The following CSMD1 variants were observed in gnomAD, a reference collection of about 807,000 sequenced individuals.
The protein encoded by CSMD1 is CUB and sushi domain-containing protein 1.
Under a neutral mutation model 417.5 loss-of-function variants are expected in CSMD1, and 213 were observed. The ratio of observed to expected loss-of-function variants is 0.51; its 90% confidence interval spans 0.46 to 0.57. The LOEUF (loss-of-function observed/expected upper bound fraction) is 0.57, where lower values mean the gene tolerates loss of function less well. Ranked by LOEUF, CSMD1 falls within the 20% of genes least tolerant of loss-of-function variation. The pLI is 0.00. For missense variants in CSMD1, 6,923 were observed against 4,529.7 expected, an observed-to-expected ratio of 1.53 and a Z score of -15.17; for synonymous variants, 2,862 against 1,736.8, an observed-to-expected ratio of 1.65 and a Z score of -16.11.
At chr8:3,055,997 T>C (rs1251934581) in intron 49 of CSMD1, among the ~76,000 whole-genome samples, 1 of 152,228 alleles carries the variant, frequency 6.6e-6, no homozygotes, top group Non-Finnish European at 1.5e-5. Flanking sequence ...ATTCAATCAA[T>C]GACAAATTAT....
At chr8:3,461,969 G>C (rs12171641) in intron 12 of CSMD1, among the ~76,000 whole-genome samples, 2 of 152,050 alleles carry the variant, frequency 1.3e-5, no homozygotes, top group African/African-American at 4.8e-5. Context: ...GGAGGGTGGC[G>C]GTGAGGTGAG....
At chr8:3,391,157 A>C (rs1811322229) in intron 17 of CSMD1, among the ~76,000 whole-genome samples, 1 of 134,474 alleles carries the variant, frequency 7.4e-6, no homozygotes, top group African/African-American at 2.9e-5. Context: ...TCATATAAAA[A>C]GTCACCGAAT....
In CSMD1 at chr8:3,408,549, G is replaced by C. The variant is rs924916731; in HGVS notation, c.1745-324C>G. Reference sequence around the variant, plus strand: ...GTTATAATTTTCTGCCTTCAGAAGAGCAAATATTAATATGGAAAAGTATAT... The same window carrying C: ...GTTATAATTTTCTGCCTTCAGAAGACCAAATATTAATATGGAAAAGTATAT... On this transcript the variant is annotated intron_variant, in intron 13 of 69. Transcript: ENST00000635120. Among the ~76,000 whole-genome samples, 7 of 151,312 alleles carry C rather than the reference G, an allele frequency of 4.6e-5. No homozygotes were observed. In the East Asian group the frequency reaches 1.2e-3, roughly 25 times the overall value.
intron 69 of CSMD1, among the ~76,000 whole-genome samples, chr8:2,940,300 C>T (rs576444760): frequency 6.6e-6 from 1 of 152,158 alleles, no homozygotes; most frequent in South Asian, 2.1e-4. Context: ...AAGTAGAGAA[C>T]TAAAAGACCC....
At position 4,127,609 on chromosome 8, in the gene CSMD1, C is replaced by T. The variant is rs34566254; in HGVS notation, c.416-95510G>A. Among the ~76,000 whole-genome samples, 563 of 152,218 alleles carry T rather than the reference C, an allele frequency of 3.7e-3. 7 individuals carry two copies. Among genetic ancestry groups the T allele is most frequent in the Admixed American group, 8.3e-3 (127 of 15,286 alleles). On this transcript the variant is annotated intron_variant, in intron 3 of 69. Transcript: ENST00000635120. ...TGTTTCTACTTTCCCACACCACATA[C>T]AACACCCAAAGTACCTGTATGCATA...
intron 3 of CSMD1, among the ~76,000 whole-genome samples, chr8:4,398,773 G>C (rs986390179): frequency 9.9e-5 from 15 of 152,138 alleles, no homozygotes; most frequent in African/African-American, 2.9e-4. Flanking sequence ...CAAAATTATT[G>C]ATCAGCACTG....
chr8:4,495,720 T>C (rs1431701939), intron 2 of CSMD1, among the ~76,000 whole-genome samples: 1 of 152,178 alleles, frequency 6.6e-6, no homozygotes, highest in African/African-American at 2.4e-5. Flanking sequence ...TCCCTCCTTA[T>C]AGGAGAGTTA....
intron 8 of CSMD1, among the ~76,000 whole-genome samples, chr8:3,593,860 T>C (rs1800970006): frequency 6.6e-6 from 1 of 152,176 alleles, no homozygotes; most frequent in African/African-American, 2.4e-5. Context: ...ATTTTTCTCT[T>C]TCCCTGCCTT....
At chr8:3,651,271 T>G (rs1054451829) in intron 7 of CSMD1, among the ~76,000 whole-genome samples, 5 of 152,158 alleles carry the variant, frequency 3.3e-5, no homozygotes, top group African/African-American at 1.2e-4. Flanking sequence ...CTCAAAGGAT[T>G]CCATTTCACC....
chr8:4,709,415 T>C (rs1364451933), intron 1 of CSMD1, among the ~76,000 whole-genome samples: 1 of 152,170 alleles, frequency 6.6e-6, no homozygotes, highest in Non-Finnish European at 1.5e-5. Context: ...AGACTCTTTT[T>C]ACTTGGGGCT....
At chr8:3,387,809 C>A (rs1811104794) in intron 17 of CSMD1, 127 bp from the exon 18 acceptor site, 1 of 748,168 alleles carries the variant, frequency 1.3e-6, no homozygotes, top group South Asian at 2.0e-5. Context: ...GCAAGTGAAC[C>A]CAACAATCCA....
chr8:3,764,663 G>C (rs1460114554), intron 5 of CSMD1, among the ~76,000 whole-genome samples: 3 of 152,020 alleles, frequency 2.0e-5, no homozygotes, highest in Non-Finnish European at 2.9e-5. Context: ...CAGGGGCTGG[G>C]GAGTTCATTA....
intron 1 of CSMD1, among the ~76,000 whole-genome samples, chr8:4,918,577 T>C (rs973793083): frequency 2.6e-5 from 4 of 152,234 alleles, no homozygotes; most frequent in South Asian, 2.1e-4. Flanking sequence ...CACTGCGAGT[T>C]GTGCTTTAAA....
intron 25 of CSMD1, 96 bp downstream of exon 25, chr8:3,307,599 T>A: frequency 1.5e-6 from 2 of 1,366,610 alleles, no homozygotes; most frequent in Non-Finnish European, 1.0e-6. Context: ...GTTCAGAAAC[T>A]TTAACCATGG....
intron 7 of CSMD1, among the ~76,000 whole-genome samples, chr8:3,622,148 C>G (rs1563207093): frequency 2.6e-5 from 4 of 152,260 alleles, no homozygotes; most frequent in South Asian, 2.1e-4. Context: ...TACTAGCTCT[C>G]TGAAATTTAT....
rs114003548 is a variant in CSMD1 at position 4,043,528 on chromosome 8, A to G, written c.416-11429T>C. Among the ~76,000 whole-genome samples, 725 of 152,332 alleles carry G rather than the reference A, an allele frequency of 4.8e-3. 10 individuals are homozygous for G. Among genetic ancestry groups the G allele is most frequent in the African/African-American group, 0.017 (694 of 41,586 alleles). On this transcript the variant is annotated intron_variant, in intron 3 of 69. Transcript: ENST00000635120. ...ACAAACAGACAAATAGATAACAGTA[A>G]AATAATGAGAAAAGACAAATAGCTT...
At chr8:2,956,238 TTTAA>T (rs1490304692) in intron 63 of CSMD1, among the ~76,000 whole-genome samples, 1 of 152,026 alleles carries the variant, frequency 6.6e-6, no homozygotes, top group Non-Finnish European at 1.5e-5. Flanking sequence ...TATTACTCAA[TTTAA>T]TTAATTATTT....
intron 4 of CSMD1, among the ~76,000 whole-genome samples, chr8:4,013,034 T>C (rs943877031): frequency 1.3e-5 from 2 of 152,164 alleles, no homozygotes; most frequent in African/African-American, 4.8e-5. Context: ...AGGTTTTTTA[T>C]TTTTTCCCTT....
chr8:4,214,866 GT>G (rs926241312), intron 3 of CSMD1, among the ~76,000 whole-genome samples: 1 of 151,272 alleles, frequency 6.6e-6, no homozygotes, highest in African/African-American at 2.4e-5. Context: ...TTTAGATAGC[GT>G]TTTTTTAAAA....
Sources: gnomAD v4.1 joint callset for allele counts (sites outside exome capture counted in the v4.1 genomes callset) on GRCh38, gnomAD v4.1.1 for gene constraint, MANE v1.5 for transcripts, NCBI Gene and HGNC (gene_info 2026-07-23, HGNC 2026-07-21) for gene names.